Variants in HDAC3 observed in about 807,000 individuals in gnomAD.
HDAC3 encodes histone deacetylase 3, also known as SMAP45.
A neutral mutation model predicts 62.3 loss-of-function variants in HDAC3; 21 were observed. The observed-to-expected ratio is 0.34, with a 90% CI of 0.24 to 0.49. The LOEUF (loss-of-function observed/expected upper bound fraction) is 0.49. Among genes scored for constraint, HDAC3 ranks in the 20% least tolerant of loss-of-function variants. The pLI, the probability that HDAC3 is intolerant of heterozygous loss-of-function variation, is 0.99. For synonymous variants in HDAC3, 198 were observed against 206.5 expected, an observed-to-expected ratio of 0.96 and a Z score of 0.35; for missense variants, 270 against 556.9, an observed-to-expected ratio of 0.48 and a Z score of 5.19.
intron 14 of HDAC3, chr5:141,624,727 AATT>A (rs1483358023): frequency 6.5e-6 from 1 of 152,806 alleles, no homozygotes; most frequent in Non-Finnish European, 1.5e-5. Flanking sequence ...CCACATAGTA[AATT>A]ATTATACAGC....
In HDAC3 at chr5:141,636,807, G is replaced by A. The variant is rs551789546; in HGVS notation, c.-17C>T. ...CTTGGCCATGGTGCCGGCGGGAGCA[G>A]GCCCCGCACCTCCGCCGCCCGCCGC... On this transcript the variant is annotated 5_prime_UTR_variant, in exon 1 of 15. Coordinates refer to ENST00000305264, the MANE Select transcript of HDAC3 (RefSeq NM_003883.4). The A allele has an allele frequency of 2.6e-5, 41 of 1,550,076 alleles. No homozygotes were observed. The highest frequency in any genetic ancestry group is 3.4e-4 in the Middle Eastern group (2 of 5,812).
intron 14 of HDAC3, among the ~76,000 whole-genome samples, chr5:141,623,516 A>G (rs1376956412): frequency 6.6e-6 from 1 of 152,214 alleles, no homozygotes; most frequent in Non-Finnish European, 1.5e-5. Flanking sequence ...CAAAAGGAAG[A>G]ACTTAAAAAC....
At chr5:141,632,851 G>A (rs1236420063) in intron 3 of HDAC3, among the ~76,000 whole-genome samples, 1 of 152,170 alleles carries the variant, frequency 6.6e-6, no homozygotes, top group Non-Finnish European at 1.5e-5. Flanking sequence ...GATAAAGTTG[G>A]AAAGGTGCCA....
Position 141,628,546 on chromosome 5 carries a change from C to T in HDAC3, c.691+13G>A. The stretch of plus-strand genomic sequence containing the variant: ...AGGGGCCTAGGGAACAGAGGGAAGA[C>T]TTCGGTACTTACTCTGGTCATCAAT... On this transcript the variant is annotated intron_variant, in intron 8 of 14. Transcript: ENST00000305264. The surrounding 1 kb of genome is among the most constrained non-coding windows in gnomAD (Gnocchi z 4.7). 6.2e-7 allele frequency: 1 copy of T among 1,608,944 alleles called. No homozygotes were observed. Among genetic ancestry groups the T allele is most frequent in the Non-Finnish European group, 8.5e-7 (1 of 1,175,350 alleles).
chr5:141,627,849 G>C (rs944892261), intron 10 of HDAC3, 44 bp downstream of exon 10: 2 of 1,590,136 alleles, frequency 1.3e-6, no homozygotes, highest in African/African-American at 2.7e-5. Context: ...TGAAGTCCAA[G>C]GCCACTTAAA....
chr5:141,633,434 TAG>T (rs2154598021), intron 3 of HDAC3, among the ~76,000 whole-genome samples: 1 of 152,314 alleles, frequency 6.6e-6, no homozygotes, highest in African/African-American at 2.4e-5. Context: ...GAGTATCATT[TAG>T]AGATACATAA....
At chr5:141,636,411 G>T in intron 2 of HDAC3, 137 bp downstream of exon 2, 3 of 736,706 alleles carry the variant, frequency 4.1e-6, no homozygotes, top group African/African-American at 1.7e-5. Context: ...CACTTTCAAG[G>T]TACTCCTGGT....
Position 141,625,254 on chromosome 5 carries a change from C to A in HDAC3, c.1171G>T (p.Asp391Tyr), listed in dbSNP as rs1488454872. 6.2e-7 allele frequency: 1 copy of A among 1,614,020 alleles called. No homozygotes were observed. Among genetic ancestry groups the A allele is most frequent in the East Asian group, 2.2e-5 (1 of 44,900 alleles). Residue 391 changes from aspartate (D) to tyrosine (Y), a missense_variant, in exon 14 of 15, where the codon GAT (aspartate) becomes TAT (tyrosine). By Grantham distance (160) the Asp-to-Tyr change is radical (BLOSUM62 -3). Around this residue, in one of 5 missense-constraint regions of HDAC3, gnomAD observed 44 missense variants for 64.3 expected, o/e 0.68. Transcript: ENST00000305264. The surrounding 1 kb of genome is among the most constrained non-coding windows in gnomAD (Gnocchi z 4.0). ...CCCCTCTCCTCTGCATCAGCCTCATCAGTCCTGTCATAGGTCAGGAGGTCT... is the reference window on the plus strand; with the variant it reads ...CCCCTCTCCTCTGCATCAGCCTCATAAGTCCTGTCATAGGTCAGGAGGTCT... ...PADLLTYDRT[D>Y]EADAEERGPE...
At chr5:141,630,250 C>G (rs573787293) in intron 3 of HDAC3, 125 bp from the exon 4 acceptor site, 4 of 855,484 alleles carry the variant, frequency 4.7e-6, no homozygotes, top group East Asian at 5.1e-5. Flanking sequence ...CTCCTACACA[C>G]GTGGGCTATC....
chr5:141,622,835 C>T lies in HDAC3; in HGVS notation c.1218-1298G>A, dbSNP rs188248709. 8.9e-4 allele frequency among the ~76,000 whole-genome samples: 136 copies of T among 152,154 alleles called. 1 individual carries two copies. The highest frequency in any genetic ancestry group is 3.1e-3 in the African/African-American group (129 of 41,506). The stretch of plus-strand genomic sequence containing the variant: ...CTTCAGAAAGTTACTTAAGTCTCGC[C>T]GGGGGCGGTGGCTCACACCTGTAGC... On this transcript the variant is annotated intron_variant, in intron 14 of 14. Coordinates refer to ENST00000305264, the MANE Select transcript of HDAC3 (RefSeq NM_003883.4).
At position 141,625,816 on chromosome 5, in the gene HDAC3, A is replaced by G; in HGVS notation, c.980-52T>C. The G allele has an allele frequency of 6.5e-7, 1 of 1,535,476 alleles. No individual in the cohort carries two copies. Among genetic ancestry groups the G allele is most frequent in the East Asian group, 2.2e-5 (1 of 44,508 alleles). On this transcript the variant is annotated intron_variant, in intron 12 of 14. Transcript: ENST00000305264. This position sits in a 1 kb window ranked among gnomAD's most constrained non-coding sequence, Gnocchi z 4.0. ...CTCAGACTGAGAAAGGCAGCTAACAAGACTTCCCAATCTTTTTCCTTCCCA... is the reference window on the plus strand; with the variant it reads ...CTCAGACTGAGAAAGGCAGCTAACAGGACTTCCCAATCTTTTTCCTTCCCA...
At chr5:141,632,447 G>A (rs1174467095) in intron 3 of HDAC3, among the ~76,000 whole-genome samples, 1 of 152,122 alleles carries the variant, frequency 6.6e-6, no homozygotes, top group African/African-American at 2.4e-5. Context: ...ATTCTCATCG[G>A]AAATACAGAT....
intron 14 of HDAC3, among the ~76,000 whole-genome samples, chr5:141,623,589 G>A (rs1422580045): frequency 6.6e-6 from 1 of 152,196 alleles, no homozygotes; most frequent in African/African-American, 2.4e-5. Flanking sequence ...AAGCCCTGAA[G>A]CCAGACACTT....
Position 141,636,843 on chromosome 5 carries a change from C to T in HDAC3, c.-53G>A, listed in dbSNP as rs1389040647. ...TCCGCCGCCCGCCGCCCGCGGCCGC[C>T]GCCAGCCCCTCCCCGGCCGTGCGTG... On this transcript the variant is annotated 5_prime_UTR_variant, in exon 1 of 15. Coordinates refer to ENST00000305264, the MANE Select transcript of HDAC3 (RefSeq NM_003883.4). 1.0e-5 allele frequency: 14 copies of T among 1,381,530 alleles called. No homozygotes were observed. Among genetic ancestry groups the T allele is most frequent in the Admixed American group, 3.5e-5 (1 of 28,918 alleles). 85.6% of individuals were successfully genotyped at this position (1,381,530 alleles called of 1,614,324 possible).
chr5:141,628,894 C>A lies in HDAC3; in HGVS notation c.611-255G>T, dbSNP rs923489701. Among the ~76,000 whole-genome samples, 12 of 152,176 alleles carry A rather than the reference C, an allele frequency of 7.9e-5. No homozygotes were observed. Among genetic ancestry groups the A allele is most frequent in the South Asian group, 2.1e-4 (1 of 4,826 alleles). ...TAATGAAATTTACGATATCCCACCA[C>A]GCTTATATTCTTAGGGAATAGCCAT... On this transcript the variant is annotated intron_variant, in intron 7 of 14. Transcript: ENST00000305264. The surrounding 1 kb of genome is among the most constrained non-coding windows in gnomAD (Gnocchi z 4.7).
rs2154598119 is a variant in HDAC3 at position 141,636,535 on chromosome 5, C to A, written c.138+13G>T. ...CCCACCCCCCAACCCCCGGCCGAGG[C>A]GGCGGAACTCACGATCATCTTCTTA... On this transcript the variant is annotated intron_variant, in intron 2 of 14. Transcript: ENST00000305264. The A allele has an allele frequency of 1.2e-6, 2 of 1,612,874 alleles. No individual in the cohort carries two copies. Among genetic ancestry groups the A allele is most frequent in the South Asian group, 1.1e-5 (1 of 91,058 alleles).
chr5:141,622,461 G>A (rs940604726), intron 14 of HDAC3, among the ~76,000 whole-genome samples: 5 of 152,046 alleles, frequency 3.3e-5, no homozygotes, highest in South Asian at 4.1e-4. Flanking sequence ...AAAGTTAGCC[G>A]GGTGTGGTGG....
At chr5:141,632,117 G>GGGA (rs2099905303) in intron 3 of HDAC3, among the ~76,000 whole-genome samples, 1 of 152,054 alleles carries the variant, frequency 6.6e-6, no homozygotes. Flanking sequence ...TCCAACTCCC[G>GGGA]GGTTCAAGCA....
In HDAC3 at chr5:141,628,497, G is replaced by A. The variant is rs2099904764; in HGVS notation, c.691+62C>T. 4 of 1,322,000 alleles carry A rather than the reference G, an allele frequency of 3.0e-6. No individual in the cohort carries two copies. The African/African-American group carries it at 4.3e-5, about 14-fold the overall frequency. 81.9% of individuals were successfully genotyped at this position (1,322,000 alleles called of 1,614,324 possible). A position where few individuals can be genotyped will look rare whatever the true frequency, so the allele number is the denominator to read the frequency against. ...CAACAGCAGACAATACCAGGCAGAA[G>A]AGGTTATTTCAAGGAGAAAAAGAAG... On this transcript the variant is annotated intron_variant, in intron 8 of 14. Coordinates refer to ENST00000305264, the MANE Select transcript of HDAC3 (RefSeq NM_003883.4). This position sits in a 1 kb window ranked among gnomAD's most constrained non-coding sequence, Gnocchi z 4.7.
Sources: gnomAD v4.1 joint callset for allele counts (sites outside exome capture counted in the v4.1 genomes callset) on GRCh38, gnomAD v4.1.1 for gene constraint, gnomAD v4.1.1 regional missense constraint, Gnocchi (gnomAD v3.1) non-coding constraint, MANE v1.5 for transcripts, NCBI Gene and HGNC (gene_info 2026-07-23, HGNC 2026-07-21) for gene names.